The following MAGT1 variants were observed in gnomAD, a reference collection of about 807,000 sequenced individuals.
MAGT1 encodes the protein dolichyl-diphosphooligosaccharide--protein glycosyltransferase subunit MAGT1.
MAGT1 carries 4 observed loss-of-function variants against 28.4 expected under a neutral mutation model. The observed-to-expected ratio is 0.14, with a 90% CI of 0.07 to 0.32. The LOEUF (loss-of-function observed/expected upper bound fraction) is 0.32, where lower values mean the gene tolerates loss of function less well. Among genes scored for constraint, MAGT1 ranks in the 10% least tolerant of loss-of-function variants. The pLI is 1.00. For missense variants in MAGT1, 193 were observed against 264.5 expected, an observed-to-expected ratio of 0.73 and a Z score of 1.88; for synonymous variants, 89 against 89.7, an observed-to-expected ratio of 0.99 and a Z score of 0.04.
At chrX:77,869,639 T>A (rs981143266) in intron 3 of MAGT1, among the ~76,000 whole-genome samples, 8 of 108,601 alleles carry the variant, frequency 7.4e-5, no homozygotes, top group Admixed American at 3.0e-4. Context: ...ATGGCCAACA[T>A]CACTAATTAT....
chrX:77,883,940 C>G (rs1368637189), intron 1 of MAGT1, among the ~76,000 whole-genome samples: 1 of 111,272 alleles, frequency 9.0e-6, no homozygotes, highest in African/African-American at 3.3e-5. Flanking sequence ...TACCTGTCAT[C>G]TCAGTGCTTT....
At chrX:77,883,496 T>C (rs1557218713) in intron 1 of MAGT1, among the ~76,000 whole-genome samples, 1 of 107,571 alleles carries the variant, frequency 9.3e-6, no homozygotes, top group Non-Finnish European at 1.9e-5. Context: ...TAAAACAAAA[T>C]CACTTCAAAA....
chrX:77,890,405 A>T (rs560578474), intron 1 of MAGT1, among the ~76,000 whole-genome samples: 3 of 112,259 alleles, frequency 2.7e-5, no homozygotes, highest in African/African-American at 9.7e-5. Context: ...CATCTGCTCC[A>T]TTATCAGTTC....
At chrX:77,849,168 C>T (rs1557215291) in intron 7 of MAGT1, among the ~76,000 whole-genome samples, 1 of 108,886 alleles carries the variant, frequency 9.2e-6, no homozygotes, top group African/African-American at 3.3e-5. Flanking sequence ...CCTCTACCTC[C>T]TGGGCTCAAG....
intron 8 of MAGT1, 67 bp downstream of exon 8, chrX:77,841,179 T>C (rs2076933621): frequency 2.4e-6 from 2 of 842,161 alleles, no homozygotes; most frequent in Admixed American, 2.3e-5. Context: ...AGAGGAAAAG[T>C]GATTAAGAGA....
rs1270605161 is a variant in MAGT1 at position 77,837,034 on chromosome X, T to C, written c.901+4212A>G. Among the ~76,000 whole-genome samples the C allele has an allele frequency of 2.7e-5, 3 of 112,398 alleles. No individual in the cohort carries two copies. The East Asian group carries it at 8.3e-4, about 31-fold the overall frequency. On this transcript the variant is annotated intron_variant, in intron 8 of 9. Transcript: ENST00000618282. Reference sequence around the variant, plus strand: ...AACATGCTAAAGAAACGTCTATTAATTTGTGATCATTTTGTTAGGTAAGAA... The same window carrying C: ...AACATGCTAAAGAAACGTCTATTAACTTGTGATCATTTTGTTAGGTAAGAA...
chrX:77,842,074 T>G (rs1180877799), intron 7 of MAGT1, among the ~76,000 whole-genome samples: 3 of 109,874 alleles, frequency 2.7e-5, no homozygotes, highest in Admixed American at 9.9e-5. Context: ...CAGTAACTAC[T>G]TTTTATTTGA....
chrX:77,877,950 G>GT (rs782299235), intron 1 of MAGT1, among the ~76,000 whole-genome samples: 14 of 109,658 alleles, frequency 1.3e-4, no homozygotes, highest in Non-Finnish European at 2.7e-4. Flanking sequence ...ATGTAGTATG[G>GT]TGCAGCCACT....
chrX:77,853,355 G>A (rs1185857601), intron 7 of MAGT1, among the ~76,000 whole-genome samples: 1 of 111,906 alleles, frequency 8.9e-6, no homozygotes, highest in Non-Finnish European at 1.9e-5. Context: ...ATTCTTGCTT[G>A]GCAGATCTAA....
At chrX:77,833,110 T>C (rs2076903800) in intron 8 of MAGT1, among the ~76,000 whole-genome samples, 1 of 112,177 alleles carries the variant, frequency 8.9e-6, no homozygotes. Context: ...TTGTTGGAGT[T>C]ATTACTAAAC....
chrX:77,845,758 T>TA (rs1443286617), intron 7 of MAGT1, among the ~76,000 whole-genome samples: 3 of 111,867 alleles, frequency 2.7e-5, no homozygotes, highest in Non-Finnish European at 3.8e-5. Flanking sequence ...GAATGTTGAA[T>TA]TTGGCCCCCA....
Position 77,829,364 on chromosome X carries a change from T to C in MAGT1, c.993-129A>G. ...TGGTACGTACATGATAATCTTTGGG[T>C]ATCAATAACAAAAAGTGAGAAACAC... On this transcript the variant is annotated intron_variant, in intron 9 of 9. Transcript: ENST00000618282. 7 of 477,501 alleles carry C rather than the reference T, an allele frequency of 1.5e-5. No homozygotes were observed. The South Asian group carries it at 2.9e-4, about 20-fold the overall frequency. 39.4% of individuals were successfully genotyped at this position (477,501 alleles called of 1,213,427 possible). A position where few individuals can be genotyped will look rare whatever the true frequency, so the allele number is the denominator to read the frequency against.
Position 77,828,410 on chromosome X carries a change from A to G in MAGT1, c.*810T>C, listed in dbSNP as rs1557213118. 9.1e-6 allele frequency: 1 copy of G among 110,335 alleles called. No individual in the cohort carries two copies. Among genetic ancestry groups the G allele is most frequent in the Admixed American group, 9.8e-5 (1 of 10,235 alleles). 9.1% of individuals were successfully genotyped at this position (110,335 alleles called of 1,213,427 possible). A position where few individuals can be genotyped will look rare whatever the true frequency, so the allele number is the denominator to read the frequency against. On this transcript the variant is annotated 3_prime_UTR_variant, in exon 10 of 10. Transcript: ENST00000618282. ...GCGAAACCCTGTCTCTACTAAAAAC[A>G]CAAAAATTAGCCTGGCATGGCGGTG...
chrX:77,876,475 C>T (rs904818684), intron 1 of MAGT1, among the ~76,000 whole-genome samples: 2 of 109,895 alleles, frequency 1.8e-5, no homozygotes, highest in South Asian at 7.6e-4. Flanking sequence ...GGAGGAATCA[C>T]TCTATTCAAT....
At chrX:77,839,933 C>A (rs1433715219) in intron 8 of MAGT1, among the ~76,000 whole-genome samples, 2 of 111,219 alleles carry the variant, frequency 1.8e-5, no homozygotes, top group African/African-American at 3.3e-5. Flanking sequence ...TGGCATAAGC[C>A]ACTGCGCCCG....
intron 8 of MAGT1, among the ~76,000 whole-genome samples, chrX:77,832,514 A>G (rs1240408936): frequency 9.0e-6 from 1 of 111,693 alleles, no homozygotes; most frequent in African/African-American, 3.2e-5. Flanking sequence ...GTTCTAGGGT[A>G]ACATACTTAG....
chrX:77,849,587 T>C (rs1557215322), intron 7 of MAGT1, among the ~76,000 whole-genome samples: 1 of 110,731 alleles, frequency 9.0e-6, no homozygotes, highest in African/African-American at 3.3e-5. Context: ...TTCATCAAAC[T>C]GGACTGGGCA....
intron 6 of MAGT1, among the ~76,000 whole-genome samples, 188 bp from the exon 7 acceptor site, chrX:77,854,152 T>A (rs1374358139): frequency 3.6e-5 from 4 of 111,866 alleles, no homozygotes; most frequent in African/African-American, 1.3e-4. Flanking sequence ...TTATCTATTC[T>A]CGATTTGTCT....
At chrX:77,872,893 A>G (rs1412019889) in intron 2 of MAGT1, among the ~76,000 whole-genome samples, 2 of 112,345 alleles carry the variant, frequency 1.8e-5, no homozygotes, top group African/African-American at 6.5e-5. Context: ...CTACAGTATA[A>G]TTCATGTTGC....
Sources: allele counts gnomAD v4.1 joint callset (sites outside exome capture counted in the v4.1 genomes callset), GRCh38; gene constraint gnomAD v4.1.1; transcripts MANE v1.5; gene names NCBI Gene and HGNC (gene_info 2026-07-23, HGNC 2026-07-21).